Variants in PRKCA observed in about 807,000 individuals in gnomAD.
PRKCA encodes protein kinase C alpha type.
Under a neutral mutation model 87.0 loss-of-function variants are expected in PRKCA, and 27 were observed. The observed-to-expected ratio is 0.31, with a 90% confidence interval of 0.23 to 0.43. PRKCA has a LOEUF of 0.43. PRKCA is among the 20% of genes least tolerant of loss of function. The pLI, the probability that PRKCA is intolerant of heterozygous loss-of-function variation, is 1.00. For synonymous variants in PRKCA, 329 were observed against 311.1 expected (o/e 1.06, Z -0.61); for missense variants, 518 against 852.3 (o/e 0.61, Z 4.88).
intron 3 of PRKCA, among the ~76,000 whole-genome samples, chr17:66,577,704 T>C (rs1340076696): frequency 2.0e-5 from 3 of 151,920 alleles, no homozygotes; most frequent in Non-Finnish European, 2.9e-5. Flanking sequence ...TTCCTTCTTT[T>C]CTTTTTTATT....
intron 2 of PRKCA, among the ~76,000 whole-genome samples, chr17:66,396,957 C>CTTTTT (rs35135551): frequency 2.3e-4 from 12 of 52,136 alleles, no homozygotes; most frequent in Admixed American, 3.7e-4. Flanking sequence ...ACAATCAAGA[C>CTTTTT]TTTTTTTTTT....
At chr17:66,424,099 C>T (rs773789794) in intron 2 of PRKCA, among the ~76,000 whole-genome samples, 10 of 152,112 alleles carry the variant, frequency 6.6e-5, no homozygotes, top group Non-Finnish European at 1.2e-4. Context: ...TGTATTTCTT[C>T]GGGACAAGCA....
intron 3 of PRKCA, among the ~76,000 whole-genome samples, chr17:66,550,820 C>T (rs757147815): frequency 3.3e-5 from 5 of 152,216 alleles, no homozygotes; most frequent in Non-Finnish European, 5.9e-5. Flanking sequence ...ACACATTCGT[C>T]TTTCTTGCAA....
chr17:66,484,375 G>A (rs1015940484), intron 2 of PRKCA, among the ~76,000 whole-genome samples: 1 of 152,184 alleles, frequency 6.6e-6, no homozygotes, highest in African/African-American at 2.4e-5. Flanking sequence ...CTGTGTAGGA[G>A]AGATGGGTAG....
intron 2 of PRKCA, among the ~76,000 whole-genome samples, chr17:66,353,554 A>G (rs1055360069): frequency 1.3e-5 from 2 of 152,128 alleles, no homozygotes; most frequent in Non-Finnish European, 2.9e-5. Context: ...CGTCTCTACT[A>G]AGAATACAAA....
chr17:66,625,413 A>T (rs1598824653), intron 3 of PRKCA, among the ~76,000 whole-genome samples: 1 of 151,816 alleles, frequency 6.6e-6, no homozygotes, highest in East Asian at 1.9e-4. Context: ...AAACTTTAAA[A>T]CTCTATTGAC....
At position 66,302,830 on chromosome 17, in the gene PRKCA, C is replaced by A; in HGVS notation, c.-22C>A. ...CGCGGCCGCAGCTCCCCGGCGGAGG[C>A]AAGAGGTGGTTGGGGGGGACCATGG... On this transcript the variant is annotated 5_prime_UTR_variant, in exon 1 of 17. Transcript: ENST00000413366. 1 of 1,481,392 alleles carries A rather than the reference C, an allele frequency of 6.8e-7. No homozygotes were observed. Among genetic ancestry groups the A allele is most frequent in the Non-Finnish European group, 9.0e-7 (1 of 1,105,808 alleles). The allele number at this position is 1,481,392 out of a possible 1,614,324, so 91.8% of individuals were successfully genotyped here. A position where few individuals can be genotyped will look rare whatever the true frequency, so the allele number is the denominator to read the frequency against.
At chr17:66,425,802 A>G (rs960043587) in intron 2 of PRKCA, among the ~76,000 whole-genome samples, 3 of 152,120 alleles carry the variant, frequency 2.0e-5, no homozygotes, top group African/African-American at 7.2e-5. Context: ...CCCAATGCAA[A>G]CGGCATTAAA....
chr17:66,687,547 A>G (rs1403325663), intron 6 of PRKCA, among the ~76,000 whole-genome samples: 1 of 152,230 alleles, frequency 6.6e-6, no homozygotes, highest in Non-Finnish European at 1.5e-5. Flanking sequence ...AATAGAATTT[A>G]AGCTAAAAAT....
At chr17:66,774,370 C>T (rs1295521833) in intron 14 of PRKCA, 2 of 1,163,308 alleles carry the variant, frequency 1.7e-6, no homozygotes, top group African/African-American at 1.6e-5. Flanking sequence ...GCTATAATCC[C>T]AGCACTTTCA....
At chr17:66,641,022 G>A (rs1971281278) in intron 3 of PRKCA, 2 of 306,510 alleles carry the variant, frequency 6.5e-6, no homozygotes, top group South Asian at 5.9e-5. Context: ...TACCCACATC[G>A]TGGTGGATGC....
At chr17:66,447,429 C>A (rs1419099679) in intron 2 of PRKCA, among the ~76,000 whole-genome samples, 2 of 152,118 alleles carry the variant, frequency 1.3e-5, no homozygotes, top group East Asian at 3.9e-4. Context: ...TTCCTCACTC[C>A]CAAAGGCACG....
chr17:66,400,243 A>G (rs1351172579), intron 2 of PRKCA, among the ~76,000 whole-genome samples: 4 of 152,104 alleles, frequency 2.6e-5, no homozygotes, highest in Non-Finnish European at 4.4e-5. Flanking sequence ...CCTCCACCTC[A>G]TGGGTTCAGG....
chr17:66,403,278 T>A (rs1911147333), intron 2 of PRKCA, among the ~76,000 whole-genome samples: 1 of 152,196 alleles, frequency 6.6e-6, no homozygotes, highest in African/African-American at 2.4e-5. Context: ...TATACCTGGT[T>A]TCCAATTTAG....
chr17:66,592,343 CAAA>C (rs71160581), intron 3 of PRKCA, among the ~76,000 whole-genome samples: 4 of 82,376 alleles, frequency 4.9e-5, no homozygotes, highest in South Asian at 4.4e-4. Flanking sequence ...TGATCCGTCT[CAAA>C]AAAAAAAAAA....
At chr17:66,385,356 G>T (rs1164796258) in intron 2 of PRKCA, among the ~76,000 whole-genome samples, 1 of 152,180 alleles carries the variant, frequency 6.6e-6, no homozygotes, top group East Asian at 1.9e-4. Flanking sequence ...TCATTTTCAT[G>T]GGAATCAAGA....
intron 13 of PRKCA, among the ~76,000 whole-genome samples, chr17:66,762,965 A>G (rs1176917048): frequency 6.6e-6 from 1 of 152,014 alleles, no homozygotes; most frequent in Non-Finnish European, 1.5e-5. Context: ...TGATTTTTGT[A>G]TTTTTAGTAG....
chr17:66,434,314 TG>T (rs1237076985), intron 2 of PRKCA, among the ~76,000 whole-genome samples: 5 of 151,976 alleles, frequency 3.3e-5, no homozygotes, highest in Non-Finnish European at 7.4e-5. Flanking sequence ...CTTTACAATG[TG>T]GCTTATCAAG....
At chr17:66,579,047 G>A (rs1969334223) in intron 3 of PRKCA, among the ~76,000 whole-genome samples, 1 of 152,194 alleles carries the variant, frequency 6.6e-6, no homozygotes, top group African/African-American at 2.4e-5. Context: ...CATCTGTGGT[G>A]GCTGCTGCTT....
Sources: gnomAD v4.1 joint callset for allele counts (sites outside exome capture counted in the v4.1 genomes callset) on GRCh38, gnomAD v4.1.1 for gene constraint, MANE v1.5 for transcripts, NCBI Gene and HGNC (gene_info 2026-07-23, HGNC 2026-07-21) for gene names.